PRELID2: variants seen among roughly 807,000 people sequenced by gnomAD.
PRELID2 encodes PRELI domain containing 2, also known as PRELI domain-containing protein 2.
PRELID2 carries 25 observed loss-of-function variants against 28.4 expected under a neutral mutation model. The observed-to-expected ratio is 0.88, with a 90% CI of 0.64 to 1.23. The LOEUF (loss-of-function observed/expected upper bound fraction) is 1.23. Ranked by LOEUF, PRELID2 falls within the 50% of genes most tolerant of loss-of-function variation. The pLI is 0.00. For synonymous variants in PRELID2, 76 were observed against 71.6 expected (o/e 1.06, Z -0.31); for missense variants, 201 against 214.4 (o/e 0.94, Z 0.39).
chr5:145,604,924 A>G (rs1018194994), intron 1 of PRELID2, among the ~76,000 whole-genome samples: 1 of 128,886 alleles, frequency 7.8e-6, no homozygotes, highest in Non-Finnish European at 1.6e-5. Context: ...TTATATATAT[A>G]TATTCTTCTG....
chr5:145,423,524 G>T, the PRELID2 span, among the ~76,000 whole-genome samples: 2 of 150,216 alleles, frequency 1.3e-5, no homozygotes, highest in Admixed American at 6.6e-5. Context: ...CCAGTTGATC[G>T]CATCGGCTCC....
chr5:145,604,884 T>TATAC (rs1462576917), intron 1 of PRELID2, among the ~76,000 whole-genome samples: 2 of 82,384 alleles, frequency 2.4e-5, no homozygotes, highest in Admixed American at 1.2e-4. Flanking sequence ...TTGTTGGCCA[T>TATAC]ATATATATAT....
At chr5:145,306,651 G>A in the PRELID2 span, among the ~76,000 whole-genome samples, 1 of 152,002 alleles carries the variant, frequency 6.6e-6, no homozygotes, top group Middle Eastern at 3.6e-3. Context: ...ATCTTTTACA[G>A]TACTATTATC....
At chr5:145,561,896 T>C (rs940059021) in intron 1 of PRELID2, among the ~76,000 whole-genome samples, 1 of 152,200 alleles carries the variant, frequency 6.6e-6, no homozygotes, top group African/African-American at 2.4e-5. Context: ...AGGACCTAAC[T>C]TCAGAGACGA....
intron 1 of PRELID2, among the ~76,000 whole-genome samples, chr5:145,526,861 T>G (rs1170137179): frequency 6.6e-6 from 1 of 152,202 alleles, no homozygotes; most frequent in East Asian, 1.9e-4. Context: ...GGAGAAGTCT[T>G]TACCCATTTA....
At chr5:145,495,334 C>G (rs1002932816) in intron 1 of PRELID2, among the ~76,000 whole-genome samples, 4 of 152,204 alleles carry the variant, frequency 2.6e-5, no homozygotes, top group Non-Finnish European at 4.4e-5. Context: ...AATTGAGCAT[C>G]AGCAGAATCT....
chr5:145,640,291 G>A (rs1245201067), intron 1 of PRELID2, among the ~76,000 whole-genome samples: 4 of 151,846 alleles, frequency 2.6e-5, no homozygotes, highest in African/African-American at 9.7e-5. Flanking sequence ...TCGAGACCAC[G>A]GTGAAACCCC....
chr5:145,254,332 T>C, the PRELID2 span, among the ~76,000 whole-genome samples: 2 of 152,128 alleles, frequency 1.3e-5, no homozygotes, highest in Admixed American at 6.6e-5. Context: ...GAATTATTAT[T>C]TGTTATTACT....
chr5:145,559,676 C>T (rs1021481470), intron 1 of PRELID2, among the ~76,000 whole-genome samples: 7 of 152,110 alleles, frequency 4.6e-5, no homozygotes, highest in African/African-American at 1.7e-4. Flanking sequence ...AGCCTTTTGT[C>T]TTTCTTAGCC....
intron 1 of PRELID2, among the ~76,000 whole-genome samples, chr5:145,630,129 CATGGATGGATGGATGG>C (rs61612357): frequency 6.6e-6 from 1 of 150,844 alleles, no homozygotes; most frequent in Non-Finnish European, 1.5e-5. Flanking sequence ...TGTTTGGATG[CATGGATGGATGGATGG>C]ATGGATGGAT....
At chr5:145,568,472 C>A (rs772464440) in intron 1 of PRELID2, among the ~76,000 whole-genome samples, 3 of 152,102 alleles carry the variant, frequency 2.0e-5, no homozygotes, top group Non-Finnish European at 4.4e-5. Flanking sequence ...ATTAGATCAG[C>A]GATCATAATG....
chr5:145,763,706 C>A (rs934994178), intron 6 of PRELID2, among the ~76,000 whole-genome samples: 1 of 152,192 alleles, frequency 6.6e-6, no homozygotes, highest in Non-Finnish European at 1.5e-5. Context: ...TAAACCAACA[C>A]AAGAAAACCT....
chr5:145,695,560 A>G (rs1339323340), intron 1 of PRELID2, among the ~76,000 whole-genome samples: 1 of 151,988 alleles, frequency 6.6e-6, no homozygotes, highest in Non-Finnish European at 1.5e-5. Flanking sequence ...ACCCTTGCCC[A>G]GGAGAATTCA....
intron 1 of PRELID2, among the ~76,000 whole-genome samples, chr5:145,740,209 G>C (rs1756617840): frequency 7.3e-6 from 1 of 137,116 alleles, no homozygotes; most frequent in Non-Finnish European, 1.5e-5. Flanking sequence ...AGTAGATTTA[G>C]TGCAAAGAAA....
chr5:145,359,671 C>T, the PRELID2 span, among the ~76,000 whole-genome samples: 1 of 152,156 alleles, frequency 6.6e-6, no homozygotes, highest in African/African-American at 2.4e-5. Flanking sequence ...GTACTGGTAC[C>T]ACATTAGCCT....
At chr5:145,385,814 A>G in the PRELID2 span, among the ~76,000 whole-genome samples, 30 of 152,300 alleles carry the variant, frequency 2.0e-4, no homozygotes, top group African/African-American at 7.2e-4. Context: ...TGCCACCTTT[A>G]TGAATTCTTC....
intron 1 of PRELID2, among the ~76,000 whole-genome samples, chr5:145,747,790 C>T (rs1353186224): frequency 6.6e-6 from 1 of 152,170 alleles, no homozygotes; most frequent in Admixed American, 6.5e-5. Context: ...TCCAGCAGCA[C>T]ATCAAAAAAC....
chr5:145,302,948 G>A, the PRELID2 span, among the ~76,000 whole-genome samples: 30 of 152,072 alleles, frequency 2.0e-4, no homozygotes, highest in African/African-American at 6.5e-4. Context: ...CATGGGATTT[G>A]GGGAGCATAA....
the PRELID2 span, among the ~76,000 whole-genome samples, chr5:145,235,943 G>T: frequency 6.6e-6 from 1 of 152,084 alleles, no homozygotes; most frequent in Non-Finnish European, 1.5e-5. Flanking sequence ...TAAGTTAGCT[G>T]GTCTAATTAG....
Sources: allele counts gnomAD v4.1 joint callset (sites outside exome capture counted in the v4.1 genomes callset), GRCh38; gene constraint gnomAD v4.1.1; transcripts MANE v1.5; gene names NCBI Gene and HGNC (gene_info 2026-07-23, HGNC 2026-07-21).